Variants in ERC2 observed in about 807,000 individuals in gnomAD.
ERC2 encodes the protein ERC protein 2.
Under a neutral mutation model 114.8 loss-of-function variants are expected in ERC2, and 42 were observed. The observed-to-expected ratio is 0.37, with a 90% CI of 0.29 to 0.47. ERC2 has a LOEUF of 0.47. Among genes scored for constraint, ERC2 ranks in the 20% least tolerant of loss-of-function variants. The pLI is 0.99. For synonymous variants in ERC2, 454 were observed against 425.5 expected (o/e 1.07, Z -0.82); for missense variants, 939 against 1,150.7 (o/e 0.82, Z 2.66).
chr3:55,732,526 G>A (rs80167769), intron 15 of ERC2, among the ~76,000 whole-genome samples: 3,269 of 152,202 alleles, frequency 0.021, 83 homozygotes, highest in African/African-American at 0.059. Context: ...TAAAGGCTTC[G>A]TGCAGGTTCC....
At chr3:55,722,972 A>G (rs2064673142) in intron 15 of ERC2, among the ~76,000 whole-genome samples, 1 of 152,254 alleles carries the variant, frequency 6.6e-6, no homozygotes, top group East Asian at 1.9e-4. Flanking sequence ...ACTCTTGGGC[A>G]TTAATCCTAA....
At chr3:55,781,876 GAAAAA>G (rs532360945) in intron 14 of ERC2, among the ~76,000 whole-genome samples, 1 of 81,236 alleles carries the variant, frequency 1.2e-5, no homozygotes, top group African/African-American at 3.7e-5. Context: ...CAGCCTCACA[GAAAAA>G]AAAAAAAAAA....
chr3:55,866,764 C>G (rs2062337489), intron 14 of ERC2, among the ~76,000 whole-genome samples: 2 of 152,204 alleles, frequency 1.3e-5, no homozygotes. Context: ...TTTGAGTATG[C>G]TTTCTCTTGA....
intron 6 of ERC2, among the ~76,000 whole-genome samples, chr3:56,085,672 A>G (rs986012589): frequency 3.9e-5 from 6 of 152,306 alleles, no homozygotes; most frequent in Admixed American, 6.5e-5. Context: ...GTAGGTTTTC[A>G]TTATATCTGG....
At position 56,237,891 on chromosome 3, in the gene ERC2, C is replaced by CTT. The variant is rs3054904; in HGVS notation, c.1074+58126_1074+58127dup. ...ATGATTTCTGCCTTTCTATTTTTTC[C>CTT]TTTTTTTTTTTTTTGCACTTTATCA... On this transcript the variant is annotated intron_variant, in intron 3 of 17. Coordinates refer to ENST00000288221, the MANE Select transcript of ERC2 (RefSeq NM_015576.3). Among the ~76,000 whole-genome samples the CTT allele has an allele frequency of 5.2e-3, 727 of 140,926 alleles. 6 individuals carry two copies. The highest frequency in any genetic ancestry group is 6.4e-3 in the Non-Finnish European group (414 of 64,780). The allele number at this position is 140,926 out of a possible 152,430, so 92.5% of individuals were successfully genotyped here.
At chr3:56,458,985 C>A (rs927389308) in intron 1 of ERC2, among the ~76,000 whole-genome samples, 2 of 152,196 alleles carry the variant, frequency 1.3e-5, no homozygotes, top group African/African-American at 4.8e-5. Context: ...AGAAAGACAT[C>A]TTGGTAGAAA....
chr3:56,065,362 A>G (rs1576776622), intron 7 of ERC2, among the ~76,000 whole-genome samples: 1 of 151,932 alleles, frequency 6.6e-6, no homozygotes, highest in African/African-American at 2.4e-5. Context: ...AGGTGGAACT[A>G]CAGGCACGCA....
intron 3 of ERC2, among the ~76,000 whole-genome samples, chr3:56,262,142 C>T (rs111773702): frequency 4.9e-4 from 74 of 152,170 alleles, no homozygotes; most frequent in African/African-American, 1.8e-3. Flanking sequence ...GATTCTATGT[C>T]TTTGTTATTG....
chr3:56,064,410 A>G (rs1163843006), intron 7 of ERC2, among the ~76,000 whole-genome samples: 2 of 152,202 alleles, frequency 1.3e-5, no homozygotes, highest in African/African-American at 2.4e-5. Flanking sequence ...AAATCAGTCT[A>G]TCATATGTGA....
intron 14 of ERC2, among the ~76,000 whole-genome samples, chr3:55,791,743 T>C (rs922965316): frequency 6.6e-6 from 1 of 152,234 alleles, no homozygotes; most frequent in African/African-American, 2.4e-5. Context: ...ATGAATTAAA[T>C]GTCTTTTGAC....
Position 56,452,986 on chromosome 3 carries a change from C to T in ERC2, c.-141+15262G>A, listed in dbSNP as rs144537949. On this transcript the variant is annotated intron_variant, in intron 1 of 17. Transcript: ENST00000288221. ...TTCCTCATGAGTAAAATAGAAATAA[C>T]AGCGTTAAACATCTTGCAATGGGTC... Among the ~76,000 whole-genome samples, 12 of 152,232 alleles carry T rather than the reference C, an allele frequency of 7.9e-5. No homozygotes were observed. The East Asian group carries it at 2.3e-3, about 29-fold the overall frequency.
rs1389169371 is a variant in ERC2 at position 56,434,982 on chromosome 3, G to A, written c.26C>T (p.Thr9Ile). The A allele has an allele frequency of 5.6e-6, 9 of 1,611,434 alleles. No individual in the cohort carries two copies. The highest frequency in any genetic ancestry group is 7.6e-6 in the Non-Finnish European group (9 of 1,179,694). MYGSARTI[T>I]NLEGSPSRSP... is the part of the protein sequence containing the mutation. ...TCTGGAAGGGCTACCTTCCAGATTG[G>A]TGATTGTTCTTGCACTTCCATACAT... Residue 9 changes from threonine (T) to isoleucine (I), a missense_variant, in exon 2 of 18, where the codon ACC becomes ATC. Transcript: ENST00000288221.
At chr3:56,333,521 C>T (rs942211210) in intron 2 of ERC2, among the ~76,000 whole-genome samples, 1 of 152,140 alleles carries the variant, frequency 6.6e-6, no homozygotes, top group African/African-American at 2.4e-5. Flanking sequence ...CAAAACTAAA[C>T]AAATACTATC....
rs1185876161 is a variant in ERC2, at chr3:55,509,776, C to T, written c.*1540G>A. On this transcript the variant is annotated 3_prime_UTR_variant, in exon 18 of 18. Transcript: ENST00000288221. ...AAAAAGTAATAATAATGACTAAATT[C>T]AATGCAAGACTTCAGGGACATCTGT... The T allele has an allele frequency of 6.6e-6, 1 of 152,562 alleles. No individual in the cohort carries two copies. Among genetic ancestry groups the T allele is most frequent in the Non-Finnish European group, 1.5e-5 (1 of 68,024 alleles). 9.5% of individuals were successfully genotyped at this position (152,562 alleles called of 1,614,324 possible).
intron 6 of ERC2, among the ~76,000 whole-genome samples, chr3:56,090,982 G>A (rs2077757411): frequency 6.6e-6 from 1 of 152,160 alleles, no homozygotes. Context: ...GTGCAGGTGA[G>A]TTCAGAATGC....
In ERC2 at chr3:56,354,303, C is replaced by T. The variant is rs567662206; in HGVS notation, c.658-57868G>A. 2.6e-5 allele frequency among the ~76,000 whole-genome samples: 4 copies of T among 152,350 alleles called. No individual in the cohort carries two copies. The South Asian group carries it at 6.2e-4, about 24-fold the overall frequency. On this transcript the variant is annotated intron_variant, in intron 2 of 17. Coordinates refer to ENST00000288221, the MANE Select transcript of ERC2 (RefSeq NM_015576.3). ...TCACAGCCCTTCCTACATGGCTCTT[C>T]GCTGGGCACCAGTTGCCACTGCCAC... is the stretch of plus-strand genomic sequence containing the variant.
At chr3:56,282,785 C>T (rs545528210) in intron 3 of ERC2, among the ~76,000 whole-genome samples, 1 of 152,242 alleles carries the variant, frequency 6.6e-6, no homozygotes, top group South Asian at 2.1e-4. Context: ...CAACAACCCT[C>T]AAATGTTCCA....
At chr3:55,976,195 G>A (rs556349098) in intron 12 of ERC2, among the ~76,000 whole-genome samples, 30 of 152,200 alleles carry the variant, frequency 2.0e-4, no homozygotes, top group Non-Finnish European at 3.7e-4. Flanking sequence ...GGGTCTCACC[G>A]AAACCAAGGA....
intron 3 of ERC2, among the ~76,000 whole-genome samples, chr3:56,207,434 G>A (rs772041956): frequency 7.9e-5 from 12 of 151,624 alleles, no homozygotes; most frequent in African/African-American, 1.9e-4. Context: ...TTATATTTCT[G>A]TACTTACTAA....
Sources: allele counts gnomAD v4.1 joint callset (sites outside exome capture counted in the v4.1 genomes callset), GRCh38; gene constraint gnomAD v4.1.1; transcripts MANE v1.5; gene names NCBI Gene and HGNC (gene_info 2026-07-23, HGNC 2026-07-21).